The following AP3B1 variants were observed in gnomAD, a reference collection of about 807,000 sequenced individuals.
AP3B1 encodes the protein AP-3 complex subunit beta-1.
In AP3B1, 61 loss-of-function variants were observed where a neutral mutation model predicts 132.5. The observed-to-expected ratio is 0.46, with a 90% CI of 0.37 to 0.57. AP3B1 has a LOEUF of 0.57. Among genes scored for constraint, AP3B1 ranks in the 20% least tolerant of loss-of-function variants. The probability of loss-of-function intolerance (pLI) is 0.00; values close to 1 mark genes in which losing one functional copy is unlikely to be tolerated. For missense variants in AP3B1, 1,120 were observed against 1,289.4 expected (o/e 0.87, Z 2.01); for synonymous variants, 388 against 438.3 (o/e 0.89, Z 1.43).
intron 7 of AP3B1, among the ~76,000 whole-genome samples, chr5:78,202,552 A>AGAGT (rs564270526): frequency 8.9e-5 from 13 of 146,056 alleles, no homozygotes; most frequent in East Asian, 2.0e-4. Context: ...CCATATATTC[A>AGAGT]GTGTGTGTGT....
rs1167257987 is a variant in AP3B1, at chr5:78,162,933, C to T, written c.1249G>A (p.Asp417Asn). The change falls in exon 13 of 27, where the codon GAT becomes AAT. Residue 417 changes from aspartate to asparagine, a missense_variant. Physicochemically the swap from Asp to Asn is conservative, Grantham distance 23 (BLOSUM62 1). Coordinates refer to ENST00000255194, the MANE Select transcript of AP3B1 (RefSeq NM_003664.5). ...ATAGTGGCTGCTGCAAATTGTTTATCCTGGCTTTTCACATAGGTCTAAAAG... is the reference window on the plus strand; with the variant it reads ...ATAGTGGCTGCTGCAAATTGTTTATTCTGGCTTTTCACATAGGTCTAAAAG... ...REFQTYVKSQDKQFAAATIQT... is the reference protein window; with the variant it reads ...REFQTYVKSQNKQFAAATIQT... 6.2e-7 allele frequency: 1 copy of T among 1,613,806 alleles called. No homozygotes were observed. Among genetic ancestry groups the T allele is most frequent in the East Asian group, 2.2e-5 (1 of 44,874 alleles).
At chr5:78,120,650 A>C (rs1752133995) in intron 17 of AP3B1, among the ~76,000 whole-genome samples, 1 of 152,010 alleles carries the variant, frequency 6.6e-6, no homozygotes, top group African/African-American at 2.4e-5. Flanking sequence ...TAACTATCCT[A>C]AATATATATG....
At chr5:78,129,007 A>T in intron 16 of AP3B1, 114 bp downstream of exon 16, 2 of 873,840 alleles carry the variant, frequency 2.3e-6, no homozygotes, top group Non-Finnish European at 3.4e-6. Context: ...ATATATTTAT[A>T]TATGCGAATC....
intron 14 of AP3B1, among the ~76,000 whole-genome samples, chr5:78,149,668 A>G (rs935840530): frequency 3.9e-5 from 6 of 152,188 alleles, no homozygotes; most frequent in Non-Finnish European, 5.9e-5. Flanking sequence ...CATTGTACAG[A>G]TGAGAAAACT....
At chr5:78,286,176 C>G (rs563834259) in intron 1 of AP3B1, among the ~76,000 whole-genome samples, 1 of 152,146 alleles carries the variant, frequency 6.6e-6, no homozygotes, top group African/African-American at 2.4e-5. Flanking sequence ...ACATTCTCAA[C>G]CTAGGCTTTA....
At chr5:78,214,515 AG>A (rs1391777414) in intron 7 of AP3B1, among the ~76,000 whole-genome samples, 1 of 152,212 alleles carries the variant, frequency 6.6e-6, no homozygotes, top group Non-Finnish European at 1.5e-5. Context: ...ATTTGCATAT[AG>A]TTACTGAAAA....
At chr5:78,140,843 A>G (rs1172602879) in intron 15 of AP3B1, among the ~76,000 whole-genome samples, 1 of 152,202 alleles carries the variant, frequency 6.6e-6, no homozygotes, top group African/African-American at 2.4e-5. Context: ...TTCATCCTTT[A>G]TAAAATTTTC....
intron 22 of AP3B1, among the ~76,000 whole-genome samples, chr5:78,039,646 C>T (rs1404952166): frequency 3.3e-5 from 5 of 151,808 alleles, no homozygotes; most frequent in Non-Finnish European, 7.4e-5. Context: ...GGCATGGTGG[C>T]GGGCGCCTGT....
intron 14 of AP3B1, among the ~76,000 whole-genome samples, chr5:78,154,872 C>A (rs189888854): frequency 3.7e-4 from 57 of 152,264 alleles, no homozygotes; most frequent in Admixed American, 3.7e-3. Context: ...TCTTGAATTT[C>A]TTTGAGTTTT....
intron 25 of AP3B1, 34 bp from the exon 26 acceptor site, chr5:78,015,582 T>C: frequency 7.5e-6 from 12 of 1,609,714 alleles, no homozygotes; most frequent in Non-Finnish European, 1.0e-5. Flanking sequence ...CTTTTATTAA[T>C]TTCTTTTTGA....
intron 1 of AP3B1, among the ~76,000 whole-genome samples, chr5:78,275,708 C>A (rs562263477): frequency 6.6e-6 from 1 of 152,234 alleles, no homozygotes; most frequent in East Asian, 1.9e-4. Flanking sequence ...CTCCTGACCT[C>A]GTGATCCACC....
At chr5:78,110,127 A>T in intron 20 of AP3B1, 80 bp downstream of exon 20, 2 of 1,226,348 alleles carry the variant, frequency 1.6e-6, no homozygotes, top group South Asian at 2.6e-5. Flanking sequence ...AAATCACAGG[A>T]GTAGATGAGG....
intron 22 of AP3B1, among the ~76,000 whole-genome samples, chr5:78,088,456 T>C (rs1480997401): frequency 6.6e-6 from 1 of 152,178 alleles, no homozygotes; most frequent in Admixed American, 6.5e-5. Flanking sequence ...TTTTTAGTAT[T>C]TCATTGCATA....
Position 78,162,851 on chromosome 5 carries a change from T to C in AP3B1, c.1331A>G (p.Asn444Ser), listed in dbSNP as rs758805835. 22 of 1,614,056 alleles carry C rather than the reference T, an allele frequency of 1.4e-5. No individual in the cohort carries two copies. The South Asian group carries it at 1.5e-4, about 11-fold the overall frequency. Residue 444 changes from asparagine to serine, a missense_variant, in exon 13 of 27, where the codon AAT becomes AGT. This residue lies in a region of AP3B1 where 906 missense variants were observed against 997.1 expected (regional missense o/e 0.91). Transcript: ENST00000255194. ...NILEVTDTCL[N>S]GLVCLLSNRD... ...GTTGGACAGCAGACAGACCAAGCCA[T>C]TGAGGCACGTGTCAGTGACTTCCAA...
intron 3 of AP3B1, among the ~76,000 whole-genome samples, chr5:78,233,623 C>A (rs576061869): frequency 6.6e-6 from 1 of 152,152 alleles, no homozygotes; most frequent in Non-Finnish European, 1.5e-5. Context: ...AAACTGCCTG[C>A]GACAGCTTTT....
At chr5:78,209,051 A>G (rs1745626907) in intron 7 of AP3B1, among the ~76,000 whole-genome samples, 1 of 152,126 alleles carries the variant, frequency 6.6e-6, no homozygotes, top group Non-Finnish European at 1.5e-5. Flanking sequence ...ATAAATCAAG[A>G]AATAGCAATA....
intron 14 of AP3B1, among the ~76,000 whole-genome samples, chr5:78,150,282 A>G (rs1166002395): frequency 1.3e-5 from 2 of 152,212 alleles, no homozygotes; most frequent in Non-Finnish European, 2.9e-5. Context: ...AAAAACCAGA[A>G]GAGAAAAATC....
At chr5:78,201,904 G>A (rs1025485796) in intron 7 of AP3B1, among the ~76,000 whole-genome samples, 17 of 152,126 alleles carry the variant, frequency 1.1e-4, no homozygotes, top group Non-Finnish European at 5.9e-5. Flanking sequence ...CACAGGGGAG[G>A]AGGAGCGATG....
chr5:78,214,619 A>G (rs1745881329), intron 7 of AP3B1, among the ~76,000 whole-genome samples: 3 of 152,202 alleles, frequency 2.0e-5, no homozygotes, highest in Non-Finnish European at 4.4e-5. Flanking sequence ...AAAAAATCTG[A>G]GCAGAAGTTT....
Sources: gnomAD v4.1 joint callset for allele counts (sites outside exome capture counted in the v4.1 genomes callset) on GRCh38, gnomAD v4.1.1 for gene constraint, gnomAD v4.1.1 regional missense constraint, MANE v1.5 for transcripts, NCBI Gene and HGNC (gene_info 2026-07-23, HGNC 2026-07-21) for gene names.